Variants in KCNK4 observed in about 807,000 individuals in gnomAD.
The protein encoded by KCNK4 is potassium two pore domain channel subfamily K member 4.
A neutral mutation model predicts 28.8 loss-of-function variants in KCNK4; 22 were observed. That is an observed-to-expected ratio of 0.76 (90% confidence interval 0.55 to 1.09). The LOEUF (loss-of-function observed/expected upper bound fraction) is 1.09. Among genes scored for constraint, KCNK4 ranks in the 50% least tolerant of loss-of-function variants. KCNK4 has a pLI of 0.00. For missense variants in KCNK4, 483 were observed against 546.3 expected (o/e 0.88, Z 1.15); for synonymous variants, 263 against 252.9 (o/e 1.04, Z -0.38).
intron 1 of KCNK4, chr11:64,291,988 C>T: frequency 8.7e-7 from 1 of 1,146,366 alleles, no homozygotes; most frequent in Non-Finnish European, 1.1e-6. Context: ...GGGCGCTGCG[C>T]GGTGGCCCTG....
At chr11:64,291,955 G>T in intron 1 of KCNK4, 1 of 951,606 alleles carries the variant, frequency 1.1e-6, no homozygotes, top group Non-Finnish European at 1.3e-6. Context: ...GCGGACGCGG[G>T]GGAGGCGGTG....
Position 64,299,642 on chromosome 11 carries a change from A to G in KCNK4, c.1098A>G (p.Arg366=), listed in dbSNP as rs1263813649. ...ERGCPLPRAP[R]GRRRPNPPRK... ...GCTGCCCGCTGCCCCGCGCGCCGAG[A>G]GGTCGCCGCCGCCCAAATCCCCCCA... is the stretch of plus-strand genomic sequence containing the variant. The change falls in exon 7 of 7, where the codon AGA becomes AGG. Residue 366 remains arginine, a synonymous_variant. Transcript: ENST00000422670. 1.9e-6 allele frequency: 3 copies of G among 1,606,808 alleles called. No homozygotes were observed. The highest frequency in any genetic ancestry group is 1.3e-5 in the African/African-American group (1 of 74,392).
rs2034881044 is a variant in KCNK4, at chr11:64,299,696, G to A, written c.1152G>A (p.Gly384=). ...AGCCCGTGCGGCCCCGCGGCCCCGGGCGTCCCCGAGACAAAGGCGTGCCGG... is the reference window on the plus strand; with the variant it reads ...AGCCCGTGCGGCCCCGCGGCCCCGGACGTCCCCGAGACAAAGGCGTGCCGG... ...PRKPVRPRGP[G]RPRDKGVPV Residue 384 remains glycine, a synonymous_variant, in exon 7 of 7, where the codon GGG becomes GGA. Coordinates refer to ENST00000422670, the MANE Select transcript of KCNK4 (RefSeq NM_033310.3). 1 of 1,565,946 alleles carries A rather than the reference G, an allele frequency of 6.4e-7. No individual in the cohort carries two copies.
At chr11:64,292,182 C>G in intron 1 of KCNK4, 1 of 817,990 alleles carries the variant, frequency 1.2e-6, no homozygotes, top group Non-Finnish European at 1.5e-6. Context: ...GCGCGCGGGT[C>G]TTTGTGCCCG....
chr11:64,295,937 G>A (rs912494373), intron 2 of KCNK4: 1 of 152,040 alleles, frequency 6.6e-6, no homozygotes, highest in African/African-American at 2.4e-5. Flanking sequence ...CTCACCTAGG[G>A]CAAGCACTCT....
rs747909218 is a variant in KCNK4 at position 64,297,661 on chromosome 11, C to T, written c.661+8C>T. On this transcript the variant is annotated splice_region_variant and intron_variant, in intron 5 of 6. Transcript: ENST00000422670. ...TTGGCGACTATGTGGCCGGTGAGGC[C>T]GCCCTTCTTGTGCTGCACTTTCCCA... 3.9e-5 allele frequency: 63 copies of T among 1,606,760 alleles called. No individual in the cohort carries two copies. Among genetic ancestry groups the T allele is most frequent in the Admixed American group, 3.9e-4 (23 of 59,660 alleles).
Position 64,293,002 on chromosome 11 carries a change from C to G in KCNK4, c.-17C>G, listed in dbSNP as rs1002285930. 1 of 1,534,158 alleles carries G rather than the reference C, an allele frequency of 6.5e-7. No homozygotes were observed. The highest frequency in any genetic ancestry group is 8.8e-7 in the Non-Finnish European group (1 of 1,141,132). On this transcript the variant is annotated 5_prime_UTR_variant, in exon 2 of 7. Transcript: ENST00000422670. The stretch of plus-strand genomic sequence containing the variant: ...CTCCAGGCGGGCAGTGGAGCTGGCC[C>G]GGCGCCTGGGCGCGCCATGCGCAGC...
chr11:64,299,097 A>G (rs1355385992), intron 6 of KCNK4, among the ~76,000 whole-genome samples: 1 of 149,198 alleles, frequency 6.7e-6, no homozygotes, highest in Non-Finnish European at 1.5e-5. Context: ...ATTGCACGAG[A>G]TATATTTATA....
At position 64,299,774 on chromosome 11, in the gene KCNK4, C is replaced by G. The variant is rs890408097; in HGVS notation, c.*48C>G. The G allele has an allele frequency of 6.5e-6, 10 of 1,537,942 alleles. No homozygotes were observed. In the African/African-American group the frequency reaches 1.2e-4, roughly 19 times the overall value. On this transcript the variant is annotated 3_prime_UTR_variant, in exon 7 of 7. Transcript: ENST00000422670. ...TCTCAAGGGCTTCGTTTCTGCTCTCCCCGGCATGCCTGGCTTGTTTGACCA... is the reference window on the plus strand; with the variant it reads ...TCTCAAGGGCTTCGTTTCTGCTCTCGCCGGCATGCCTGGCTTGTTTGACCA...
Position 64,292,970 on chromosome 11 carries a change from C to CCGG in KCNK4, c.-47_-45dup. 6.7e-7 allele frequency: 1 copy of CCGG among 1,500,768 alleles called. No individual in the cohort carries two copies. The highest frequency in any genetic ancestry group is 8.9e-7 in the Non-Finnish European group (1 of 1,128,066). 93.0% of individuals were successfully genotyped at this position (1,500,768 alleles called of 1,614,324 possible). On this transcript the variant is annotated 5_prime_UTR_variant, in exon 2 of 7. Transcript: ENST00000422670. The stretch of plus-strand genomic sequence containing the variant: ...CGACAGCTCCCCAGGAGCCCCCCGC[C>CCGG]CGGCCCCTCCAGGCGGGCAGTGGAG...
At chr11:64,299,061 A>G (rs2034852563) in intron 6 of KCNK4, among the ~76,000 whole-genome samples, 1 of 151,498 alleles carries the variant, frequency 6.6e-6, no homozygotes, top group Non-Finnish European at 1.5e-5. Flanking sequence ...AAAAAAAAAA[A>G]AAAAAAAAAA....
chr11:64,297,425 T>C (rs1284695293), intron 4 of KCNK4, 42 bp from the exon 5 acceptor site: 1 of 1,606,710 alleles, frequency 6.2e-7, no homozygotes, highest in Non-Finnish European at 8.5e-7. Context: ...GAGTGGGGAT[T>C]GTTGGTGTCT....
chr11:64,299,872 C>A lies in KCNK4; in HGVS notation c.*146C>A. On this transcript the variant is annotated 3_prime_UTR_variant, in exon 7 of 7. Transcript: ENST00000422670. ...TGCCTCTCCGCCTCCTCCCTGGCCCCGGCCCTTCCCTCACTTCCATCCATC... is the reference window on the plus strand; with the variant it reads ...TGCCTCTCCGCCTCCTCCCTGGCCCAGGCCCTTCCCTCACTTCCATCCATC... 1 of 1,465,462 alleles carries A rather than the reference C, an allele frequency of 6.8e-7. No individual in the cohort carries two copies. The allele number at this position is 1,465,462 out of a possible 1,614,324, so 90.8% of individuals were successfully genotyped here. A position where few individuals can be genotyped will look rare whatever the true frequency, so the allele number is the denominator to read the frequency against.
chr11:64,298,838 C>T (rs1167172782), intron 6 of KCNK4, among the ~76,000 whole-genome samples: 6 of 151,482 alleles, frequency 4.0e-5, no homozygotes, highest in Admixed American at 3.3e-4. Context: ...GTCAGGAGTT[C>T]GAGACCAGCC....
rs1180041177 is a variant in KCNK4 at position 64,298,166 on chromosome 11, C to A, written c.718C>A (p.Leu240Met). The A allele has an allele frequency of 6.2e-7, 1 of 1,613,902 alleles. No homozygotes were observed. The highest frequency in any genetic ancestry group is 1.7e-5 in the Admixed American group (1 of 60,016). ...TCAGCCGCTGGTGTGGTTCTGGATC[C>A]TGCTCGGCCTGGCTTACTTCGCCTC... Reference protein sequence around the residue: ...AYQPLVWFWILLGLAYFASVL... With the variant: ...AYQPLVWFWIMLGLAYFASVL... Residue 240 changes from leucine (L) to methionine (M), a missense_variant, in exon 6 of 7, where the codon CTG (leucine) becomes ATG (methionine). Transcript: ENST00000422670.
In KCNK4 at chr11:64,297,208, C is replaced by T; in HGVS notation, c.403C>T (p.Leu135=). 1 of 1,614,152 alleles carries T rather than the reference C, an allele frequency of 6.2e-7. No individual in the cohort carries two copies. Among genetic ancestry groups the T allele is most frequent in the Non-Finnish European group, 8.5e-7 (1 of 1,180,030 alleles). Residue 135 remains leucine (L), a synonymous_variant, in exon 4 of 7, where the codon CTG becomes TTG. Transcript: ENST00000422670. Reference sequence around the variant, plus strand: ...GGGGATTCCGCTGTTTGGGATCCTACTGGCAGGGGTCGGGGACCGGCTGGG... The same window carrying T: ...GGGGATTCCGCTGTTTGGGATCCTATTGGCAGGGGTCGGGGACCGGCTGGG... The part of the protein sequence containing the change: ...LVGIPLFGIL[L]AGVGDRLGSS...
At position 64,297,977 on chromosome 11, in the gene KCNK4, A is replaced by G. The variant is rs2034818035; in HGVS notation, c.662-133A>G. ...ACCACTCATTTTCCTGCCTGCACTC[A>G]CACACTCAAGCACATACCCATTGCC... is the stretch of plus-strand genomic sequence containing the variant. On this transcript the variant is annotated intron_variant, in intron 5 of 6. Coordinates refer to ENST00000422670, the MANE Select transcript of KCNK4 (RefSeq NM_033310.3). The G allele has an allele frequency of 4.6e-6, 5 of 1,082,262 alleles. No homozygotes were observed. In the Admixed American group the frequency reaches 1.4e-4, roughly 29 times the overall value. 67.0% of individuals were successfully genotyped at this position (1,082,262 alleles called of 1,614,324 possible).
At chr11:64,297,336 T>C in intron 4 of KCNK4, 57 bp downstream of exon 4, 2 of 1,581,428 alleles carry the variant, frequency 1.3e-6, no homozygotes, top group South Asian at 1.2e-5. Context: ...CCCTTCCCCA[T>C]GTCCCTGGCA....
rs1359372150 is a variant in KCNK4, at chr11:64,299,420, C to T, written c.876C>T (p.Pro292=). 13 of 1,577,602 alleles carry T rather than the reference C, an allele frequency of 8.2e-6. No homozygotes were observed. The highest frequency in any genetic ancestry group is 1.1e-5 in the Non-Finnish European group (13 of 1,164,382). ...VTARVTQRAG[P]AAPPPEKEQP... The stretch of plus-strand genomic sequence containing the variant: ...CGCGCGTGACCCAGCGAGCCGGGCC[C>T]GCCGCCCCGCCGCCGGAGAAGGAGC... Residue 292 remains proline, a synonymous_variant, in exon 7 of 7, where the codon CCC becomes CCT. Coordinates refer to ENST00000422670, the MANE Select transcript of KCNK4 (RefSeq NM_033310.3).
Sources: gnomAD v4.1 joint callset for allele counts (sites outside exome capture counted in the v4.1 genomes callset) on GRCh38, gnomAD v4.1.1 for gene constraint, MANE v1.5 for transcripts, NCBI Gene and HGNC (gene_info 2026-07-23, HGNC 2026-07-21) for gene names.